The following DRG1 variants were observed in gnomAD, a reference collection of about 807,000 sequenced individuals.
DRG1 encodes developmentally-regulated GTP-binding protein 1.
DRG1 carries 19 observed loss-of-function variants against 38.8 expected under a neutral mutation model. That is an observed-to-expected ratio of 0.49 (90% CI 0.34 to 0.72). The LOEUF is 0.72. Among genes scored for constraint, DRG1 ranks in the 30% least tolerant of loss-of-function variants. The probability of loss-of-function intolerance (pLI) is 0.01; values close to 1 mark genes in which losing one functional copy is unlikely to be tolerated. For synonymous variants in DRG1, 167 were observed against 157.5 expected (o/e 1.06, Z -0.45); for missense variants, 299 against 444.8 (o/e 0.67, Z 2.95).
chr22:31,429,521 A>G (rs749781506), intron 8 of DRG1, among the ~76,000 whole-genome samples: 1 of 152,164 alleles, frequency 6.6e-6, no homozygotes, highest in African/African-American at 2.4e-5. Flanking sequence ...AATTCCTATC[A>G]GTATGAGCTC....
At chr22:31,400,307 T>C (rs2049953950) in intron 1 of DRG1, among the ~76,000 whole-genome samples, 3 of 151,796 alleles carry the variant, frequency 2.0e-5, no homozygotes, top group Admixed American at 2.0e-4. Flanking sequence ...CGCTTTACAA[T>C]TAGGAAAGTG....
At chr22:31,399,977 C>T (rs2049951819) in intron 1 of DRG1, among the ~76,000 whole-genome samples, 2 of 152,114 alleles carry the variant, frequency 1.3e-5, no homozygotes, top group South Asian at 2.1e-4. Flanking sequence ...GTTCCGCACC[C>T]CTGCACCTTA....
At chr22:31,401,137 C>G (rs1012268473) in intron 2 of DRG1, among the ~76,000 whole-genome samples, 2 of 151,304 alleles carry the variant, frequency 1.3e-5, no homozygotes, top group Non-Finnish European at 2.9e-5. Flanking sequence ...GATTTACATG[C>G]GCTGGGTGCA....
intron 8 of DRG1, among the ~76,000 whole-genome samples, chr22:31,430,356 A>G (rs1305953859): frequency 6.6e-6 from 1 of 151,510 alleles, no homozygotes; most frequent in Non-Finnish European, 1.5e-5. Context: ...ATGAGTTTAT[A>G]CTGTTATCTC....
chr22:31,407,151 T>C (rs1354213952), intron 3 of DRG1, among the ~76,000 whole-genome samples: 1 of 152,216 alleles, frequency 6.6e-6, no homozygotes, highest in African/African-American at 2.4e-5. Context: ...ATTGGTGATA[T>C]TGTCCTCCAT....
At chr22:31,431,019 T>TCCCC (rs10570678) in intron 8 of DRG1, among the ~76,000 whole-genome samples, 10 of 81,014 alleles carry the variant, frequency 1.2e-4, no homozygotes, top group African/African-American at 4.0e-4. Context: ...CACCCGGCCT[T>TCCCC]CCCCCCCCCC....
intron 8 of DRG1, among the ~76,000 whole-genome samples, chr22:31,431,886 T>G (rs933281638): frequency 1.3e-5 from 2 of 152,186 alleles, no homozygotes; most frequent in African/African-American, 4.8e-5. Context: ...TTTCAAACTT[T>G]GTAGATTTAT....
intron 3 of DRG1, among the ~76,000 whole-genome samples, chr22:31,409,322 C>T (rs1436606453): frequency 6.6e-6 from 1 of 152,024 alleles, no homozygotes; most frequent in Admixed American, 6.6e-5. Context: ...TGAGCTCAAG[C>T]AATCTGCCTG....
intron 1 of DRG1, among the ~76,000 whole-genome samples, chr22:31,400,277 A>G (rs1601522497): frequency 6.6e-6 from 1 of 151,812 alleles, no homozygotes; most frequent in African/African-American, 2.4e-5. Flanking sequence ...GTGTGATTCC[A>G]TTGCGTGCGG....
chr22:31,407,686 T>A (rs994380944), intron 3 of DRG1, among the ~76,000 whole-genome samples: 4 of 66,360 alleles, frequency 6.0e-5, no homozygotes, highest in African/African-American at 9.4e-5. Context: ...TTCATTTTTC[T>A]TTTTTTTTTT....
At chr22:31,405,361 T>C (rs1332143071) in intron 3 of DRG1, among the ~76,000 whole-genome samples, 1 of 151,994 alleles carries the variant, frequency 6.6e-6, no homozygotes, top group Non-Finnish European at 1.5e-5. Context: ...AGAGACTGGG[T>C]TTCACCATAT....
chr22:31,418,445 G>A (rs1356646495), intron 4 of DRG1, among the ~76,000 whole-genome samples: 2 of 152,038 alleles, frequency 1.3e-5, no homozygotes, highest in East Asian at 3.9e-4. Flanking sequence ...GTGACAAAGC[G>A]AGACCCTGTC....
In DRG1 at chr22:31,426,765, T is replaced by C. The variant is rs1248265634; in HGVS notation, c.864T>C (p.Tyr288=). The change falls in exon 7 of 9, where the codon TAT becomes TAC. Residue 288 remains tyrosine (Y), a synonymous_variant. Coordinates refer to ENST00000331457, the MANE Select transcript of DRG1 (RefSeq NM_004147.4). ...ACCTATTGGAAAAGATCTGGGACTA[T>C]CTGAAACTAGTGAGAATGTAAGTCT... The part of the protein sequence containing the change: ...FDDLLEKIWD[Y]LKLVRIYTKP... 6.2e-7 allele frequency: 1 copy of C among 1,614,050 alleles called. No individual in the cohort carries two copies. The highest frequency in any genetic ancestry group is 1.3e-5 in the African/African-American group (1 of 74,946).
chr22:31,410,116 A>G (rs1322556115), intron 3 of DRG1, among the ~76,000 whole-genome samples: 1 of 152,160 alleles, frequency 6.6e-6, no homozygotes, highest in Non-Finnish European at 1.5e-5. Flanking sequence ...TTCAGCTAGT[A>G]TCCTTATCTC....
chr22:31,429,138 T>C (rs533144868), intron 8 of DRG1, among the ~76,000 whole-genome samples: 19 of 152,258 alleles, frequency 1.2e-4, no homozygotes, highest in Non-Finnish European at 4.4e-5. Context: ...GTGACATTTA[T>C]GGCTATGGTG....
chr22:31,412,352 CTTT>C (rs539328480), intron 4 of DRG1, among the ~76,000 whole-genome samples: 2 of 127,272 alleles, frequency 1.6e-5, no homozygotes, highest in Non-Finnish European at 3.4e-5. Context: ...TTCTTTCTTT[CTTT>C]TTTTTTTTTT....
Position 31,427,080 on chromosome 22 carries a change from A to T in DRG1, c.902A>T (p.Gln301Leu), listed in dbSNP as rs745483561. The T allele has an allele frequency of 6.2e-7, 1 of 1,614,062 alleles. No homozygotes were observed. The highest frequency in any genetic ancestry group is 8.5e-7 in the Non-Finnish European group (1 of 1,179,958). Residue 301 changes from glutamine to leucine, a missense_variant, in exon 8 of 9, where the codon CAG becomes CTG. By Grantham distance (113) the Gln-to-Leu change is moderately radical. Transcript: ENST00000331457. ...LVRIYTKPKG[Q>L]LPDYTSPVVL... ...TCTAGTTACACCAAACCCAAAGGCCAGTTACCAGATTACACATCCCCAGTG... is the reference window on the plus strand; with the variant it reads ...TCTAGTTACACCAAACCCAAAGGCCTGTTACCAGATTACACATCCCCAGTG...
intron 6 of DRG1, among the ~76,000 whole-genome samples, chr22:31,424,800 G>GCCC (rs35314205): frequency 7.8e-4 from 12 of 15,300 alleles, no homozygotes; most frequent in South Asian, 3.5e-3. Context: ...CCCGGCACCC[G>GCCC]CCCCCCCCCC....
intron 2 of DRG1, 127 bp from the exon 3 acceptor site, chr22:31,402,902 G>C (rs1481245963): frequency 4.7e-6 from 5 of 1,065,422 alleles, no homozygotes; most frequent in Non-Finnish European, 6.7e-6. Flanking sequence ...CTCCTTTAAA[G>C]GTAAACCATA....
Sources: gnomAD v4.1 joint callset for allele counts (sites outside exome capture counted in the v4.1 genomes callset) on GRCh38, gnomAD v4.1.1 for gene constraint, MANE v1.5 for transcripts, NCBI Gene and HGNC (gene_info 2026-07-23, HGNC 2026-07-21) for gene names.